ANAPC10: variants seen among roughly 807,000 people sequenced by gnomAD.
ANAPC10 encodes anaphase-promoting complex subunit 10.
In ANAPC10, 12 loss-of-function variants were observed where a neutral mutation model predicts 22.0. The observed-to-expected ratio is 0.55, with a 90% confidence interval of 0.35 to 0.88. The LOEUF is 0.88. Among genes scored for constraint, ANAPC10 ranks in the 40% least tolerant of loss-of-function variants. The pLI, the probability that ANAPC10 is intolerant of heterozygous loss-of-function variation, is 0.01. For synonymous variants in ANAPC10, 65 were observed against 69.5 expected, an observed-to-expected ratio of 0.94 and a Z score of 0.32; for missense variants, 188 against 220.9, an observed-to-expected ratio of 0.85 and a Z score of 0.94.
intron 3 of ANAPC10, among the ~76,000 whole-genome samples, chr4:145,073,816 A>G (rs566011629): frequency 1.8e-4 from 27 of 152,192 alleles, no homozygotes; most frequent in African/African-American, 6.3e-4. Context: ...TCATTTTAAT[A>G]TAATTAAAAA....
intron 3 of ANAPC10, among the ~76,000 whole-genome samples, chr4:145,078,431 TA>T (rs199509337): frequency 2.6e-4 from 40 of 151,152 alleles, no homozygotes; most frequent in Admixed American, 7.2e-4. Flanking sequence ...CAATATTGTT[TA>T]AAAAAAAATG....
intron 3 of ANAPC10, among the ~76,000 whole-genome samples, chr4:145,075,491 A>G (rs1343111305): frequency 1.3e-5 from 2 of 151,954 alleles, no homozygotes; most frequent in African/African-American, 4.8e-5. Flanking sequence ...GAGAAACCAG[A>G]CCATCAAGAA....
At chr4:145,045,987 A>C (rs1446957428) in intron 4 of ANAPC10, among the ~76,000 whole-genome samples, 1 of 152,140 alleles carries the variant, frequency 6.6e-6, no homozygotes, top group African/African-American at 2.4e-5. Context: ...TTGCTTTATA[A>C]ATTTTCAAAC....
chr4:145,039,192 A>G (rs535637279), intron 4 of ANAPC10, among the ~76,000 whole-genome samples: 1 of 152,326 alleles, frequency 6.6e-6, no homozygotes, highest in South Asian at 2.1e-4. Flanking sequence ...TACAATAAAA[A>G]CAATGAGGAA....
intron 4 of ANAPC10, among the ~76,000 whole-genome samples, chr4:145,008,871 T>C (rs941363458): frequency 6.6e-6 from 1 of 152,102 alleles, no homozygotes; most frequent in Non-Finnish European, 1.5e-5. Context: ...ATAAAGGGCA[T>C]TCAATTACGA....
intron 4 of ANAPC10, among the ~76,000 whole-genome samples, chr4:145,023,527 G>A (rs2127001720): frequency 6.6e-6 from 1 of 152,154 alleles, no homozygotes; most frequent in South Asian, 2.1e-4. Flanking sequence ...ATTCTCTCGG[G>A]GAAGGCCCCT....
chr4:145,035,184 T>C (rs1180840560), intron 4 of ANAPC10: 19 of 152,106 alleles, frequency 1.2e-4, no homozygotes, highest in Admixed American at 1.2e-3. Context: ...ATCACCAGAG[T>C]TGATTTCAGC....
At chr4:144,997,843 G>A (rs190092050) in intron 4 of ANAPC10, among the ~76,000 whole-genome samples, 73 of 152,216 alleles carry the variant, frequency 4.8e-4, no homozygotes, top group African/African-American at 1.6e-3. Context: ...CCCATCTCAC[G>A]TGCAGAGACA....
chr4:145,087,571 G>A (rs1747079060), intron 2 of ANAPC10, among the ~76,000 whole-genome samples: 1 of 152,138 alleles, frequency 6.6e-6, no homozygotes, highest in Non-Finnish European at 1.5e-5. Context: ...CTACACTGTG[G>A]CTATATACAT....
chr4:145,069,646 G>C (rs1027812711), intron 3 of ANAPC10, among the ~76,000 whole-genome samples: 1 of 152,204 alleles, frequency 6.6e-6, no homozygotes, highest in Non-Finnish European at 1.5e-5. Context: ...TGATCTTAAA[G>C]AGTGGTCTGG....
At chr4:145,053,904 CTG>C (rs552174954) in intron 4 of ANAPC10, 837 of 466,182 alleles carry the variant, frequency 1.8e-3, no homozygotes, top group Middle Eastern at 4.0e-3. Flanking sequence ...CTGATTACTA[CTG>C]TGTGTGTGTG....
chr4:145,008,333 T>C (rs1442210705), intron 4 of ANAPC10, among the ~76,000 whole-genome samples: 2 of 152,212 alleles, frequency 1.3e-5, no homozygotes, highest in East Asian at 3.8e-4. Context: ...CTACCTCATT[T>C]GATGAGGTCA....
chr4:145,091,971 C>T (rs1481079437), intron 2 of ANAPC10, among the ~76,000 whole-genome samples: 2 of 152,138 alleles, frequency 1.3e-5, no homozygotes, highest in Non-Finnish European at 2.9e-5. Flanking sequence ...ATGCAGCCTA[C>T]CTAAGACTGC....
At position 145,081,730 on chromosome 4, in the gene ANAPC10, G is replaced by T; in HGVS notation, c.136C>A (p.Arg46=). ...CAATAAGTTTCTAGATTGTCATCTCGTAACTGATCCACTCCAAATCCTAAA... is the reference window on the plus strand; with the variant it reads ...CAATAAGTTTCTAGATTGTCATCTCTTAACTGATCCACTCCAAATCCTAAA... ...CKPGFGVDQL[R]DDNLETYWQS... is the part of the protein sequence containing the mutation. Residue 46 remains arginine, a synonymous_variant, in exon 3 of 5, where the codon CGA becomes AGA. Coordinates refer to ENST00000507656, the MANE Select transcript of ANAPC10 (RefSeq NM_001256706.2). 1 of 1,612,536 alleles carries T rather than the reference G, an allele frequency of 6.2e-7. No homozygotes were observed.
chr4:145,053,859 G>A, intron 4 of ANAPC10: 1 of 529,202 alleles, frequency 1.9e-6, no homozygotes, highest in South Asian at 2.8e-5. Flanking sequence ...TGCTTCAGCA[G>A]GTAGTTTCAG....
At chr4:145,086,010 G>T (rs1254549111) in intron 2 of ANAPC10, among the ~76,000 whole-genome samples, 1 of 152,034 alleles carries the variant, frequency 6.6e-6, no homozygotes, top group African/African-American at 2.4e-5. Context: ...GCTCACCTTT[G>T]CAGGGGGCAG....
chr4:145,066,096 T>C lies in ANAPC10; in HGVS notation c.207-1404A>G, dbSNP rs77569109. Among the ~76,000 whole-genome samples the C allele has an allele frequency of 4.3e-3, 652 of 152,254 alleles. 6 individuals carry two copies. The highest frequency in any genetic ancestry group is 0.015 in the African/African-American group (617 of 41,562). On this transcript the variant is annotated intron_variant, in intron 3 of 4. Transcript: ENST00000507656. ...CACTAACTTTGTAACAATGAGCTCC[T>C]TGAACAGAAGTACTCTGTGTCAAAA... is the stretch of plus-strand genomic sequence containing the variant.
At chr4:145,080,532 T>A (rs1441506385) in intron 3 of ANAPC10, among the ~76,000 whole-genome samples, 2 of 152,206 alleles carry the variant, frequency 1.3e-5, no homozygotes, top group Admixed American at 1.3e-4. Flanking sequence ...ATATTCACTA[T>A]CTGGCTTGTT....
chr4:145,054,058 G>A (rs937824713), intron 4 of ANAPC10, among the ~76,000 whole-genome samples: 4 of 151,544 alleles, frequency 2.6e-5, no homozygotes, highest in African/African-American at 9.7e-5. Flanking sequence ...ACAGGCACTC[G>A]CCACCATTCC....
Sources: gnomAD v4.1 joint callset for allele counts (sites outside exome capture counted in the v4.1 genomes callset) on GRCh38, gnomAD v4.1.1 for gene constraint, MANE v1.5 for transcripts, NCBI Gene and HGNC (gene_info 2026-07-23, HGNC 2026-07-21) for gene names.